Variants in ARHGAP28 observed in about 807,000 individuals in gnomAD.
The protein encoded by ARHGAP28 is rho GTPase-activating protein 28.
ARHGAP28 carries 56 observed loss-of-function variants against 90.7 expected under a neutral mutation model. That is an observed-to-expected ratio of 0.62 (90% CI 0.50 to 0.77). The LOEUF is 0.77. Among genes scored for constraint, ARHGAP28 ranks in the 30% least tolerant of loss-of-function variants. The pLI, the probability that ARHGAP28 is intolerant of heterozygous loss-of-function variation, is 0.00. For missense variants in ARHGAP28, 869 were observed against 900.9 expected, an observed-to-expected ratio of 0.96 and a Z score of 0.45; for synonymous variants, 308 against 323.3, an observed-to-expected ratio of 0.95 and a Z score of 0.51.
chr18:6,824,631 C>A, intron 1 of ARHGAP28, 131 bp from the exon 2 acceptor site: 2 of 788,988 alleles, frequency 2.5e-6, no homozygotes, highest in Non-Finnish European at 3.8e-6. Context: ...TCAAACCTAT[C>A]TCAACCATGG....
intron 3 of ARHGAP28, among the ~76,000 whole-genome samples, chr18:6,847,630 G>GGGT (rs1555632059): frequency 4.7e-5 from 7 of 150,298 alleles, no homozygotes; most frequent in African/African-American, 1.7e-4. Flanking sequence ...AGAGAGTGGG[G>GGGT]GTGTGTGTGT....
intron 4 of ARHGAP28, among the ~76,000 whole-genome samples, chr18:6,857,360 AT>A (rs2056961857): frequency 6.6e-6 from 1 of 152,258 alleles, no homozygotes; most frequent in South Asian, 2.1e-4. Flanking sequence ...CTGTATAAAT[AT>A]TTTTTTCAGT....
intron 12 of ARHGAP28, among the ~76,000 whole-genome samples, chr18:6,888,938 ACTTAAG>A: frequency 6.6e-6 from 1 of 152,192 alleles, no homozygotes; most frequent in Non-Finnish European, 1.5e-5. Flanking sequence ...TGGCTCTGCC[ACTTAAG>A]CTGAACAAAG....
chr18:6,911,889 A>C (rs1248878513), intron 17 of ARHGAP28, among the ~76,000 whole-genome samples, 171 bp from the exon 18 acceptor site: 2 of 152,038 alleles, frequency 1.3e-5, no homozygotes, highest in Admixed American at 6.5e-5. Flanking sequence ...GGAGAGAGGG[A>C]GAAGAGGGAA....
At chr18:6,789,254 G>C (rs2056388529) in intron 1 of ARHGAP28, 1 of 152,094 alleles carries the variant, frequency 6.6e-6, no homozygotes. Flanking sequence ...CTAGCTGAAG[G>C]CTACCTCCAT....
At chr18:6,887,893 G>A (rs919342487) in intron 12 of ARHGAP28, among the ~76,000 whole-genome samples, 1 of 152,190 alleles carries the variant, frequency 6.6e-6, no homozygotes, top group African/African-American at 2.4e-5. Context: ...TTGTAAAATA[G>A]ATTCTATAAT....
At chr18:6,870,879 C>T (rs1330207086) in intron 7 of ARHGAP28, 147 bp downstream of exon 7, 49 of 769,194 alleles carry the variant, frequency 6.4e-5, no homozygotes, top group Middle Eastern at 4.4e-4. Flanking sequence ...CGGCTCACTG[C>T]AAGCTCTGCC....
At chr18:6,847,630 G>GGT (rs60063372) in intron 3 of ARHGAP28, among the ~76,000 whole-genome samples, 13,600 of 149,948 alleles carry the variant, frequency 0.091, 1,504 homozygotes, top group East Asian at 0.27. Context: ...AGAGAGTGGG[G>GGT]GTGTGTGTGT....
chr18:6,767,523 TTTTG>T (rs763104741), intron 1 of ARHGAP28, among the ~76,000 whole-genome samples: 61 of 152,162 alleles, frequency 4.0e-4, no homozygotes, highest in Non-Finnish European at 7.2e-4. Flanking sequence ...GGCTCTGTGC[TTTTG>T]TTTGTCTAAA....
In ARHGAP28 at chr18:6,889,909, A is replaced by G. The variant is rs1182886646; in HGVS notation, c.1558A>G (p.Lys520Glu). 3 of 1,614,132 alleles carry G rather than the reference A, an allele frequency of 1.9e-6. No homozygotes were observed. Among genetic ancestry groups the G allele is most frequent in the Non-Finnish European group, 2.5e-6 (3 of 1,180,024 alleles). Reference sequence around the variant, plus strand: ...TTAGGCCCTCATGACATTCTTCAATAAAGTGATTGCCAATGAATCAAAAAA... The same window carrying G: ...TTAGGCCCTCATGACATTCTTCAATGAAGTGATTGCCAATGAATCAAAAAA... ...AAQALMTFFN[K>E]VIANESKNRM... The change falls in exon 13 of 18, where the codon AAA (lysine) becomes GAA (glutamate). Residue 520 changes from lysine to glutamate, a missense_variant. Physicochemically the swap from Lys to Glu is moderately conservative, Grantham distance 56 (BLOSUM62 1). Coordinates refer to ENST00000383472, the MANE Select transcript of ARHGAP28 (RefSeq NM_001366230.1).
chr18:6,886,290 A>G (rs984444486), intron 11 of ARHGAP28, among the ~76,000 whole-genome samples: 1 of 152,124 alleles, frequency 6.6e-6, no homozygotes, highest in African/African-American at 2.4e-5. Flanking sequence ...ACTCCCCACC[A>G]AGACACCATT....
rs1171988100 is a variant in ARHGAP28 at position 6,915,588 on chromosome 18, G to A, written c.*3434G>A. 6.6e-6 allele frequency: 1 copy of A among 151,964 alleles called. No homozygotes were observed. The highest frequency in any genetic ancestry group is 1.5e-5 in the Non-Finnish European group (1 of 67,996). The allele number at this position is 151,964 out of a possible 1,614,324, so 9.4% of individuals were successfully genotyped here. A position where few individuals can be genotyped will look rare whatever the true frequency, so the allele number is the denominator to read the frequency against. The stretch of plus-strand genomic sequence containing the variant: ...TTGACAAATCATGACACTAGAAAAC[G>A]CCAATGTTTTATGTCTTTGCCCATC... On this transcript the variant is annotated 3_prime_UTR_variant, in exon 18 of 18. Transcript: ENST00000383472.
At chr18:6,784,585 G>A (rs2056352037) in intron 1 of ARHGAP28, among the ~76,000 whole-genome samples, 1 of 152,194 alleles carries the variant, frequency 6.6e-6, no homozygotes. Flanking sequence ...GGGGGCAGAT[G>A]TTAGGGATAC....
chr18:6,863,786 AT>A (rs397962617), intron 5 of ARHGAP28, among the ~76,000 whole-genome samples: 259 of 143,656 alleles, frequency 1.8e-3, no homozygotes, highest in South Asian at 2.4e-3. Context: ...GCTTTGTTTA[AT>A]TTTTTTTTTT....
intron 1 of ARHGAP28, among the ~76,000 whole-genome samples, chr18:6,760,743 A>C (rs1207705318): frequency 6.6e-6 from 1 of 152,144 alleles, no homozygotes; most frequent in Non-Finnish European, 1.5e-5. Context: ...CTCCATCACC[A>C]TTACTATTAC....
chr18:6,897,567 A>G (rs557531255), intron 16 of ARHGAP28: 12 of 152,246 alleles, frequency 7.9e-5, no homozygotes, highest in Non-Finnish European at 1.6e-4. Context: ...TAGAGCATGT[A>G]TGATTTGCTG....
At chr18:6,911,236 AC>A (rs1476115303) in intron 17 of ARHGAP28, among the ~76,000 whole-genome samples, 3 of 152,152 alleles carry the variant, frequency 2.0e-5, no homozygotes, top group Non-Finnish European at 4.4e-5. Context: ...TTTAGTTGTT[AC>A]CATTTTGGGA....
intron 2 of ARHGAP28, among the ~76,000 whole-genome samples, chr18:6,829,067 C>T (rs73941128): frequency 0.018 from 2,741 of 152,216 alleles, 77 homozygotes; most frequent in African/African-American, 0.062. Context: ...TGAAATAAAA[C>T]GCCCCACCAC....
rs5822923 is a variant in ARHGAP28 at position 6,747,071 on chromosome 18, CTT to C, written c.122+17143_122+17144del. 3.8e-3 allele frequency among the ~76,000 whole-genome samples: 527 copies of C among 138,608 alleles called. 4 individuals are homozygous for C. Among genetic ancestry groups the C allele is most frequent in the South Asian group, 0.033 (145 of 4,330 alleles). 90.9% of individuals were successfully genotyped at this position (138,608 alleles called of 152,430 possible). A position where few individuals can be genotyped will look rare whatever the true frequency, so the allele number is the denominator to read the frequency against. On this transcript the variant is annotated intron_variant, in intron 1 of 17. Transcript: ENST00000383472. ...TTCAGTTCATTCATCCATTTATTTT[CTT>C]TTTTTTTTTTTTTTAGCAAACATTA...
Sources: allele counts gnomAD v4.1 joint callset (sites outside exome capture counted in the v4.1 genomes callset), GRCh38; gene constraint gnomAD v4.1.1; transcripts MANE v1.5; gene names NCBI Gene and HGNC (gene_info 2026-07-23, HGNC 2026-07-21).